The following SPTLC2 variants were observed in gnomAD, a reference collection of about 807,000 sequenced individuals.
SPTLC2 encodes serine palmitoyltransferase long chain base subunit 2, also known as serine palmitoyltransferase 2.
In SPTLC2, 21 loss-of-function variants were observed where a neutral mutation model predicts 62.0. The observed-to-expected ratio is 0.34, with a 90% CI of 0.24 to 0.49. The LOEUF (loss-of-function observed/expected upper bound fraction) is 0.49, where lower values mean the gene tolerates loss of function less well. Among genes scored for constraint, SPTLC2 ranks in the 20% least tolerant of loss-of-function variants. The pLI is 0.99. For missense variants in SPTLC2, 511 were observed against 713.0 expected (o/e 0.72, Z 3.23); for synonymous variants, 261 against 261.8 (o/e 1.00, Z 0.03).
At chr14:77,610,948 T>TA (rs1400851870) in intron 1 of SPTLC2, among the ~76,000 whole-genome samples, 2 of 91,838 alleles carry the variant, frequency 2.2e-5, no homozygotes, top group Non-Finnish European at 4.2e-5. Flanking sequence ...TTTGTTTAAG[T>TA]AAAAAAGAGA....
chr14:77,597,684 G>C (rs2079854967), intron 1 of SPTLC2, among the ~76,000 whole-genome samples: 1 of 152,004 alleles, frequency 6.6e-6, no homozygotes, highest in South Asian at 2.1e-4. Flanking sequence ...TGAGGGAGGA[G>C]AGTTGCTTGA....
At chr14:77,556,144 G>A (rs1235315196) in intron 7 of SPTLC2, among the ~76,000 whole-genome samples, 1 of 152,050 alleles carries the variant, frequency 6.6e-6, no homozygotes, top group Non-Finnish European at 1.5e-5. Context: ...CCAACACAGT[G>A]AAACCCCGTC....
intron 9 of SPTLC2, among the ~76,000 whole-genome samples, chr14:77,527,804 C>A (rs1002559934): frequency 6.6e-6 from 1 of 152,112 alleles, no homozygotes; most frequent in Non-Finnish European, 1.5e-5. Flanking sequence ...ATAAAGGCAG[C>A]AGACATTTTT....
chr14:77,614,147 AT>A (rs1281504479), intron 1 of SPTLC2, among the ~76,000 whole-genome samples: 4 of 152,224 alleles, frequency 2.6e-5, no homozygotes, highest in Non-Finnish European at 5.9e-5. Context: ...ATTCATACAG[AT>A]TTTAAAATGT....
chr14:77,511,989 G>T lies in SPTLC2; in HGVS notation c.*295C>A, dbSNP rs1436973003. On this transcript the variant is annotated 3_prime_UTR_variant, in exon 12 of 12. Coordinates refer to ENST00000216484, the MANE Select transcript of SPTLC2 (RefSeq NM_004863.4). ...GTGTGGTTAGCCAGAGACAGGCTAG[G>T]GTCAGCGTGATTTCACAAGTAGAAT... The T allele has an allele frequency of 5.1e-6, 2 of 391,734 alleles. No individual in the cohort carries two copies. The highest frequency in any genetic ancestry group is 4.9e-6 in the Non-Finnish European group (1 of 205,620). 24.3% of individuals were successfully genotyped at this position (391,734 alleles called of 1,614,324 possible). A position where few individuals can be genotyped will look rare whatever the true frequency, so the allele number is the denominator to read the frequency against.
At chr14:77,605,735 C>T (rs1357690030) in intron 1 of SPTLC2, among the ~76,000 whole-genome samples, 2 of 152,196 alleles carry the variant, frequency 1.3e-5, no homozygotes, top group African/African-American at 4.8e-5. Flanking sequence ...AATTTATGGC[C>T]AGTTTTCTAC....
At chr14:77,606,008 G>C (rs1205029552) in intron 1 of SPTLC2, among the ~76,000 whole-genome samples, 1 of 152,174 alleles carries the variant, frequency 6.6e-6, no homozygotes, top group Non-Finnish European at 1.5e-5. Context: ...AGACTCTAAA[G>C]GTCTTTACAC....
intron 9 of SPTLC2, among the ~76,000 whole-genome samples, chr14:77,534,599 A>ACACACACACACACACACC (rs2079459451): frequency 6.6e-6 from 1 of 151,960 alleles, no homozygotes; most frequent in Non-Finnish European, 1.5e-5. Context: ...ACACACACAC[A>ACACACACACACACACACC]CACACATATG....
intron 2 of SPTLC2, among the ~76,000 whole-genome samples, chr14:77,582,858 T>A (rs977451892): frequency 7.9e-5 from 12 of 152,152 alleles, no homozygotes; most frequent in Non-Finnish European, 1.3e-4. Context: ...ACTCCTTAGC[T>A]AAGCTCCAGG....
At chr14:77,552,343 A>G (rs2079560017) in intron 8 of SPTLC2, 121 bp from the exon 9 acceptor site, 8 of 1,195,922 alleles carry the variant, frequency 6.7e-6, no homozygotes, top group Non-Finnish European at 9.6e-6. Flanking sequence ...AGGGACACTA[A>G]TCTGAGATAC....
chr14:77,512,677 T>C (rs1028081726), intron 11 of SPTLC2, among the ~76,000 whole-genome samples: 4 of 152,220 alleles, frequency 2.6e-5, no homozygotes, highest in Admixed American at 2.0e-4. Flanking sequence ...GAAAAAGTTA[T>C]ATGCACTCTG....
rs1210980912 is a variant in SPTLC2, at chr14:77,509,631, T to C, written c.*2653A>G. On this transcript the variant is annotated 3_prime_UTR_variant, in exon 12 of 12. Coordinates refer to ENST00000216484, the MANE Select transcript of SPTLC2 (RefSeq NM_004863.4). ...CTCTTGTATGCCTCAAATCGACTTA[T>C]TCTCAATGACTGTATTTATATATAC... The C allele has an allele frequency of 2.0e-5, 7 of 351,976 alleles. No individual in the cohort carries two copies. Among genetic ancestry groups the C allele is most frequent in the Non-Finnish European group, 3.5e-5 (7 of 197,500 alleles). 21.8% of individuals were successfully genotyped at this position (351,976 alleles called of 1,614,324 possible).
intron 11 of SPTLC2, among the ~76,000 whole-genome samples, chr14:77,513,427 A>AT (rs1258003196): frequency 6.6e-6 from 1 of 152,248 alleles, no homozygotes; most frequent in African/African-American, 2.4e-5. Flanking sequence ...TGTGAAAAAT[A>AT]TAAAAGCAAA....
At chr14:77,536,059 G>A (rs2079468493) in intron 9 of SPTLC2, 10 of 416,926 alleles carry the variant, frequency 2.4e-5, no homozygotes, top group Non-Finnish European at 4.2e-5. Context: ...CCAGCAAAAA[G>A]GCTAAAAACT....
chr14:77,558,261 G>A (rs956635048), intron 6 of SPTLC2, among the ~76,000 whole-genome samples: 1 of 152,114 alleles, frequency 6.6e-6, no homozygotes, highest in Non-Finnish European at 1.5e-5. Context: ...GGCCAGGCTT[G>A]TCTTGAACTT....
In SPTLC2 at chr14:77,535,748, T is replaced by C. The variant is rs1193685152; in HGVS notation, c.1304-14167A>G. 4 of 327,360 alleles carry C rather than the reference T, an allele frequency of 1.2e-5. 1 individual carries two copies. The highest frequency in any genetic ancestry group is 4.8e-5 in the South Asian group (2 of 41,448). 20.3% of individuals were successfully genotyped at this position (327,360 alleles called of 1,614,324 possible). A position where few individuals can be genotyped will look rare whatever the true frequency, so the allele number is the denominator to read the frequency against. On this transcript the variant is annotated intron_variant, in intron 9 of 11. Coordinates refer to ENST00000216484, the MANE Select transcript of SPTLC2 (RefSeq NM_004863.4). ...ATCTACAATTCCTGATGTTCAGCAT[T>C]GCTTATTTAATTCTTCCAAAGCATT...
chr14:77,539,319 G>A (rs1174995479), intron 9 of SPTLC2, among the ~76,000 whole-genome samples: 2 of 151,702 alleles, frequency 1.3e-5, no homozygotes, highest in Non-Finnish European at 2.9e-5. Context: ...GCCAACAGGA[G>A]ACAGTTATTT....
chr14:77,575,048 T>C (rs1162527704), intron 4 of SPTLC2, among the ~76,000 whole-genome samples: 1 of 151,934 alleles, frequency 6.6e-6, no homozygotes, highest in Non-Finnish European at 1.5e-5. Context: ...GAGATCCCCA[T>C]CTCTACAAAA....
chr14:77,552,502 T>C (rs1029897800), intron 8 of SPTLC2, among the ~76,000 whole-genome samples: 18 of 152,130 alleles, frequency 1.2e-4, no homozygotes, highest in Non-Finnish European at 1.5e-5. Flanking sequence ...TTGGAGAATG[T>C]ATCATTTAAA....
Sources: gnomAD v4.1 joint callset for allele counts (sites outside exome capture counted in the v4.1 genomes callset) on GRCh38, gnomAD v4.1.1 for gene constraint, MANE v1.5 for transcripts, NCBI Gene and HGNC (gene_info 2026-07-23, HGNC 2026-07-21) for gene names.